HS2ST1: variants seen among roughly 807,000 people sequenced by gnomAD.
HS2ST1 encodes heparan sulfate 2-O-sulfotransferase 1.
A neutral mutation model predicts 42.9 loss-of-function variants in HS2ST1; 18 were observed. The ratio of observed to expected loss-of-function variants is 0.42; its 90% CI spans 0.29 to 0.62. The LOEUF is 0.62. Among genes scored for constraint, HS2ST1 ranks in the 20% least tolerant of loss-of-function variants. HS2ST1 has a pLI of 0.21. For synonymous variants in HS2ST1, 146 were observed against 152.9 expected, an observed-to-expected ratio of 0.95 and a Z score of 0.33; for missense variants, 334 against 433.8, an observed-to-expected ratio of 0.77 and a Z score of 2.04.
chr1:86,972,594 A>C (rs972931497), intron 1 of HS2ST1, among the ~76,000 whole-genome samples: 2 of 152,170 alleles, frequency 1.3e-5, no homozygotes, highest in African/African-American at 2.4e-5. Context: ...ATAGGATAAA[A>C]CTTAGTACAT....
At chr1:86,987,073 T>TTG (rs1553135216) in intron 1 of HS2ST1, among the ~76,000 whole-genome samples, 2 of 148,428 alleles carry the variant, frequency 1.3e-5, no homozygotes, top group African/African-American at 2.5e-5. Flanking sequence ...GCCAGGTTTT[T>TTG]TTTTTTTTTT....
Position 86,915,153 on chromosome 1 carries a change from G to A in HS2ST1, c.117G>A (p.Ser39=), listed in dbSNP as rs1660115154. The A allele has an allele frequency of 6.2e-7, 1 of 1,613,424 alleles. No individual in the cohort carries two copies. Among genetic ancestry groups the A allele is most frequent in the Non-Finnish European group, 8.5e-7 (1 of 1,179,564 alleles). The change falls in exon 1 of 7, where the codon TCG becomes TCA. Residue 39 remains serine (S), a synonymous_variant. Coordinates refer to ENST00000370550, the MANE Select transcript of HS2ST1 (RefSeq NM_012262.4). The stretch of plus-strand genomic sequence containing the variant: ...TCCAGAAACTGGAGGAGTCCCGCTC[G>A]AAGCTAGGTGAGGAACTGAACTGCC... ...NQIQKLEESR[S]KLERAIARHE...
chr1:87,027,168 CCTT>C (rs1650109970), intron 1 of HS2ST1, among the ~76,000 whole-genome samples: 1 of 152,138 alleles, frequency 6.6e-6, no homozygotes, highest in Non-Finnish European at 1.5e-5. Flanking sequence ...TGTGTTATTC[CCTT>C]CTTTGTCCAA....
chr1:87,027,566 A>T (rs1005383879), intron 1 of HS2ST1, among the ~76,000 whole-genome samples: 4 of 152,216 alleles, frequency 2.6e-5, no homozygotes, highest in African/African-American at 9.7e-5. Flanking sequence ...AATAAAAAAG[A>T]TGATGTTTTG....
At chr1:86,963,766 C>T (rs1357310653) in intron 1 of HS2ST1, among the ~76,000 whole-genome samples, 6 of 127,494 alleles carry the variant, frequency 4.7e-5, no homozygotes, top group South Asian at 2.8e-4. Flanking sequence ...ACCTCCCGGA[C>T]GGGGCAGCTG....
intron 1 of HS2ST1, chr1:86,993,136 T>C: frequency 6.2e-7 from 1 of 1,600,184 alleles, no homozygotes; most frequent in Non-Finnish European, 8.5e-7. Context: ...AGGTACTGTA[T>C]TTTGGGGTAG....
At chr1:87,001,037 T>C (rs899873301) in intron 1 of HS2ST1, among the ~76,000 whole-genome samples, 4 of 152,310 alleles carry the variant, frequency 2.6e-5, no homozygotes, top group Admixed American at 1.3e-4. Context: ...AAGAAAGCTT[T>C]TGTTTTTATA....
intron 1 of HS2ST1, among the ~76,000 whole-genome samples, chr1:87,008,390 C>G (rs1649501945): frequency 1.3e-5 from 2 of 152,140 alleles, no homozygotes; most frequent in South Asian, 4.1e-4. Flanking sequence ...ATATCTAACA[C>G]TGAAGCAGAA....
chr1:87,100,553 C>A (rs919882534), intron 5 of HS2ST1, among the ~76,000 whole-genome samples: 1 of 152,168 alleles, frequency 6.6e-6, no homozygotes, highest in Non-Finnish European at 1.5e-5. Flanking sequence ...GCAGTTGGCT[C>A]CCTTTTAGTC....
chr1:86,944,721 T>A (rs1647280174), intron 1 of HS2ST1, among the ~76,000 whole-genome samples: 1 of 152,212 alleles, frequency 6.6e-6, no homozygotes, highest in African/African-American at 2.4e-5. Context: ...GGTAAAAGCA[T>A]ATTTGCTTGA....
chr1:87,089,067 A>G (rs1651879166), intron 3 of HS2ST1, among the ~76,000 whole-genome samples: 1 of 152,068 alleles, frequency 6.6e-6, no homozygotes. Context: ...TTTCAGGTTC[A>G]TCACCTCCTT....
rs1445160181 is a variant in HS2ST1 at position 86,936,334 on chromosome 1, C to CTAT, written c.124+21174_124+21175insTAT. ...TTTTTGTTTCTATAACATGTCATTG[C>CTAT]ATTGGCTAGGCTAGATTTCCAAATT... On this transcript the variant is annotated intron_variant, in intron 1 of 6. Transcript: ENST00000370550. Among the ~76,000 whole-genome samples the CTAT allele has an allele frequency of 9.9e-5, 15 of 152,206 alleles. No individual in the cohort carries two copies. The East Asian group carries it at 2.9e-3, about 29-fold the overall frequency.
intron 1 of HS2ST1, 103 bp from the exon 2 acceptor site, chr1:87,072,831 G>A: frequency 1.2e-6 from 1 of 822,390 alleles, no homozygotes; most frequent in East Asian, 2.6e-5. Flanking sequence ...TTTGTTTTTT[G>A]TTTTCTTTTT....
At chr1:86,920,967 CA>C (rs552321542) in intron 1 of HS2ST1, among the ~76,000 whole-genome samples, 13 of 145,588 alleles carry the variant, frequency 8.9e-5, no homozygotes, top group Admixed American at 2.0e-4. Flanking sequence ...TTCACCATAC[CA>C]AAAAAAAAAG....
chr1:86,960,830 AAAT>A (rs10550274), intron 1 of HS2ST1, among the ~76,000 whole-genome samples: 106,962 of 151,728 alleles, frequency 0.7, 39,600 homozygotes, highest in East Asian at 0.97. Context: ...TGGGAATGCA[AAAT>A]AATAACCTTC....
chr1:87,062,251 G>T (rs1254721134), intron 1 of HS2ST1, among the ~76,000 whole-genome samples: 1 of 150,326 alleles, frequency 6.7e-6, no homozygotes, highest in East Asian at 2.0e-4. Flanking sequence ...CTTCTGTTCT[G>T]TTTTTTTCAC....
chr1:87,041,678 C>A (rs1445617868), intron 1 of HS2ST1, among the ~76,000 whole-genome samples: 2 of 152,158 alleles, frequency 1.3e-5, no homozygotes, highest in African/African-American at 2.4e-5. Flanking sequence ...TCAGTGGAGG[C>A]ATGCAGTATT....
At chr1:86,930,822 T>C (rs1660527241) in intron 1 of HS2ST1, among the ~76,000 whole-genome samples, 1 of 152,008 alleles carries the variant, frequency 6.6e-6, no homozygotes, top group Non-Finnish European at 1.5e-5. Context: ...TTTTATGTGC[T>C]CTTCATCTAG....
At chr1:86,948,054 G>T (rs112759101) in intron 1 of HS2ST1, among the ~76,000 whole-genome samples, 14 of 151,902 alleles carry the variant, frequency 9.2e-5, no homozygotes, top group African/African-American at 3.4e-4. Flanking sequence ...GTGAAGTTTG[G>T]ATTTCATGGA....
Sources: gnomAD v4.1 joint callset for allele counts (sites outside exome capture counted in the v4.1 genomes callset) on GRCh38, gnomAD v4.1.1 for gene constraint, MANE v1.5 for transcripts, NCBI Gene and HGNC (gene_info 2026-07-23, HGNC 2026-07-21) for gene names.